The following AKT3 variants were observed in gnomAD, a reference collection of about 807,000 sequenced individuals.
AKT3 encodes the protein AKT serine/threonine kinase 3, also known as RAC-gamma serine/threonine-protein kinase.
AKT3 carries 15 observed loss-of-function variants against 65.3 expected under a neutral mutation model. The ratio of observed to expected loss-of-function variants is 0.23; its 90% CI spans 0.15 to 0.35. The LOEUF (loss-of-function observed/expected upper bound fraction) is 0.35. Ranked by LOEUF, AKT3 falls within the 10% of genes least tolerant of loss-of-function variation. AKT3 has a pLI of 1.00. For missense variants in AKT3, 243 were observed against 576.5 expected, an observed-to-expected ratio of 0.42 and a Z score of 5.92; for synonymous variants, 206 against 183.8, an observed-to-expected ratio of 1.12 and a Z score of -0.98.
At chr1:243,622,008 C>T (rs909469219) in intron 6 of AKT3, among the ~76,000 whole-genome samples, 4 of 152,204 alleles carry the variant, frequency 2.6e-5, no homozygotes, top group African/African-American at 9.6e-5. Flanking sequence ...GTCAACACTG[C>T]AGCCAAAGTG....
chr1:243,716,305 C>A (rs1215255565), intron 2 of AKT3, among the ~76,000 whole-genome samples: 1 of 152,134 alleles, frequency 6.6e-6, no homozygotes, highest in Non-Finnish European at 1.5e-5. Flanking sequence ...ACCTACGTTG[C>A]ATCTTTTAAG....
intron 2 of AKT3, among the ~76,000 whole-genome samples, chr1:243,808,592 T>C (rs894156427): frequency 3.9e-5 from 6 of 152,182 alleles, no homozygotes; most frequent in African/African-American, 9.7e-5. Flanking sequence ...TGGAACCAAG[T>C]TGGAAAACAC....
chr1:243,592,165 C>T (rs1165164444), intron 8 of AKT3, among the ~76,000 whole-genome samples: 1 of 151,884 alleles, frequency 6.6e-6, no homozygotes, highest in South Asian at 2.1e-4. Context: ...GAAACCCCGT[C>T]GCTACTAAAA....
chr1:243,606,970 T>C (rs1343026602), intron 8 of AKT3, among the ~76,000 whole-genome samples: 2 of 152,198 alleles, frequency 1.3e-5, no homozygotes, highest in African/African-American at 4.8e-5. Flanking sequence ...GCAGCTTCCA[T>C]GTGGTGTTGG....
At chr1:243,826,283 C>G (rs1316112048) in intron 2 of AKT3, among the ~76,000 whole-genome samples, 3 of 152,166 alleles carry the variant, frequency 2.0e-5, no homozygotes, top group Non-Finnish European at 2.9e-5. Flanking sequence ...GCTACTGTCT[C>G]TCCTGGGTAT....
At chr1:243,490,359 C>T (rs1360992343) in intron 13 of AKT3, among the ~76,000 whole-genome samples, 1 of 152,254 alleles carries the variant, frequency 6.6e-6, no homozygotes, top group Non-Finnish European at 1.5e-5. Context: ...CACAGCCGCA[C>T]TGCCACAGCT....
At chr1:243,717,299 T>A (rs968206939) in intron 2 of AKT3, among the ~76,000 whole-genome samples, 3 of 152,162 alleles carry the variant, frequency 2.0e-5, no homozygotes, top group African/African-American at 7.2e-5. Context: ...TTCCCAAGAG[T>A]CATACCCAGT....
chr1:243,640,846 G>T (rs564311928), intron 5 of AKT3, among the ~76,000 whole-genome samples: 14 of 152,270 alleles, frequency 9.2e-5, no homozygotes, highest in African/African-American at 3.4e-4. Flanking sequence ...GAGGTAGTTT[G>T]TTCCACAGCG....
chr1:243,538,197 G>T (rs1307502656), intron 12 of AKT3, among the ~76,000 whole-genome samples: 1 of 152,100 alleles, frequency 6.6e-6, no homozygotes, highest in East Asian at 1.9e-4. Context: ...ATAGATGGAG[G>T]AAACAGAAAT....
In AKT3 at chr1:243,500,043, C is replaced by G; in HGVS notation, c.*5206G>C. The G allele has an allele frequency of 1.9e-6, 1 of 536,076 alleles. No homozygotes were observed. The highest frequency in any genetic ancestry group is 3.3e-6 in the Non-Finnish European group (1 of 301,714). The allele number at this position is 536,076 out of a possible 1,614,324, so 33.2% of individuals were successfully genotyped here. ...AGTTATGTGTTTAAATCTGCTCATTCGTATGCTAGGTTATACATATGATTT... is the reference window on the plus strand; with the variant it reads ...AGTTATGTGTTTAAATCTGCTCATTGGTATGCTAGGTTATACATATGATTT... On this transcript the variant is annotated 3_prime_UTR_variant, in exon 14 of 14. Transcript: ENST00000673466.
At chr1:243,801,490 A>T (rs1692379433) in intron 2 of AKT3, among the ~76,000 whole-genome samples, 1 of 152,176 alleles carries the variant, frequency 6.6e-6, no homozygotes, top group Non-Finnish European at 1.5e-5. Flanking sequence ...CAGGGTTATT[A>T]TTTCATTTAA....
intron 2 of AKT3, among the ~76,000 whole-genome samples, chr1:243,829,095 C>G (rs1039572574): frequency 2.0e-5 from 3 of 152,028 alleles, no homozygotes; most frequent in Admixed American, 1.3e-4. Context: ...CTCTTCAATC[C>G]GAATCTCTTG....
At chr1:243,511,218 G>A (rs928053650) in intron 13 of AKT3, among the ~76,000 whole-genome samples, 1 of 152,210 alleles carries the variant, frequency 6.6e-6, no homozygotes, top group African/African-American at 2.4e-5. Context: ...CCCAACTTCA[G>A]GACCTGGAGC....
intron 10 of AKT3, among the ~76,000 whole-genome samples, chr1:243,559,193 G>C (rs867404431): frequency 6.6e-6 from 1 of 151,956 alleles, no homozygotes. Context: ...TATTTCCTTC[G>C]AATGTACAAA....
At chr1:243,644,241 ACT>A (rs1390355217) in intron 5 of AKT3, among the ~76,000 whole-genome samples, 1 of 152,116 alleles carries the variant, frequency 6.6e-6, no homozygotes, top group Non-Finnish European at 1.5e-5. Context: ...TTATGACTAT[ACT>A]CTGTTTCTCA....
upstream of AKT3, among the ~76,000 whole-genome samples, chr1:243,850,532 G>A (rs945138642): frequency 6.6e-6 from 1 of 151,408 alleles, no homozygotes; most frequent in Non-Finnish European, 1.5e-5. Context: ...CTCGCTGAGG[G>A]GACCCCCCGC....
At chr1:243,660,364 G>A (rs1572122745) in intron 4 of AKT3, among the ~76,000 whole-genome samples, 1 of 152,218 alleles carries the variant, frequency 6.6e-6, no homozygotes, top group Admixed American at 6.5e-5. Flanking sequence ...TATCCACCAT[G>A]ATCAAGTGGG....
intron 12 of AKT3, among the ~76,000 whole-genome samples, chr1:243,523,812 AC>A (rs1471708393): frequency 6.6e-6 from 1 of 152,254 alleles, no homozygotes; most frequent in East Asian, 1.9e-4. Context: ...TGTCTCTTCT[AC>A]TAAACTGTAA....
chr1:243,632,024 A>C (rs570181781), intron 6 of AKT3, among the ~76,000 whole-genome samples: 99 of 152,236 alleles, frequency 6.5e-4, no homozygotes, highest in African/African-American at 2.1e-3. Context: ...ATTGGAATCA[A>C]CTTCTTACAC....
Sources: gnomAD v4.1 joint callset for allele counts (sites outside exome capture counted in the v4.1 genomes callset) on GRCh38, gnomAD v4.1.1 for gene constraint, MANE v1.5 for transcripts, NCBI Gene and HGNC (gene_info 2026-07-23, HGNC 2026-07-21) for gene names.